The following CTNNA1 variants were observed in gnomAD, a reference collection of about 807,000 sequenced individuals.
CTNNA1 encodes the protein catenin alpha-1.
In CTNNA1, 37 loss-of-function variants were observed where a neutral mutation model predicts 98.4. The observed-to-expected ratio is 0.38, with a 90% confidence interval of 0.29 to 0.49. The LOEUF (loss-of-function observed/expected upper bound fraction) is 0.49. Ranked by LOEUF, CTNNA1 falls within the 20% of genes least tolerant of loss-of-function variation. The pLI is 0.95. For missense variants in CTNNA1, 761 were observed against 1,147.2 expected (o/e 0.66, Z 4.86); for synonymous variants, 404 against 413.2 (o/e 0.98, Z 0.27).
chr5:138,827,274 G>T (rs1760819801), intron 6 of CTNNA1, among the ~76,000 whole-genome samples: 1 of 152,058 alleles, frequency 6.6e-6, no homozygotes, highest in African/African-American at 2.4e-5. Context: ...TGTATTTGTG[G>T]TATCATACCT....
chr5:138,893,501 G>A (rs780447684), intron 9 of CTNNA1, among the ~76,000 whole-genome samples: 4 of 151,260 alleles, frequency 2.6e-5, no homozygotes, highest in Non-Finnish European at 4.4e-5. Context: ...ACATATTATT[G>A]GCTGCCCCCT....
chr5:138,830,666 T>A (rs1282561807), intron 7 of CTNNA1, among the ~76,000 whole-genome samples: 1 of 152,222 alleles, frequency 6.6e-6, no homozygotes, highest in Non-Finnish European at 1.5e-5. Context: ...CTAGTGAGTG[T>A]CAGAATATAA....
At chr5:138,796,180 T>A (rs1281762428) in intron 3 of CTNNA1, among the ~76,000 whole-genome samples, 1 of 152,256 alleles carries the variant, frequency 6.6e-6, no homozygotes, top group African/African-American at 2.4e-5. Flanking sequence ...TATTCACTTT[T>A]CACATTTTCA....
chr5:138,898,103 TAGTG>T (rs1409300433), intron 9 of CTNNA1, among the ~76,000 whole-genome samples: 2 of 152,142 alleles, frequency 1.3e-5, no homozygotes, highest in Non-Finnish European at 2.9e-5. Context: ...GTCTTTGTGA[TAGTG>T]AGTTCTTATG....
At chr5:138,878,433 ATATGACTT>A (rs1336203961) in intron 7 of CTNNA1, among the ~76,000 whole-genome samples, 3 of 152,252 alleles carry the variant, frequency 2.0e-5, no homozygotes, top group African/African-American at 7.2e-5. Context: ...TTCCGCAAAC[ATATGACTT>A]TGACTTAAAG....
At chr5:138,928,481 G>GTTAT (rs1319432950) in intron 13 of CTNNA1, among the ~76,000 whole-genome samples, 2 of 152,120 alleles carry the variant, frequency 1.3e-5, no homozygotes, top group Non-Finnish European at 2.9e-5. Flanking sequence ...AGAAGGCCCA[G>GTTAT]TTATTTAATT....
chr5:138,772,600 C>T (rs1342730819), intron 1 of CTNNA1, among the ~76,000 whole-genome samples: 2 of 152,160 alleles, frequency 1.3e-5, no homozygotes, highest in East Asian at 3.8e-4. Flanking sequence ...ATACTATCTG[C>T]CCTGCATAAA....
In CTNNA1 at chr5:138,913,497, T is replaced by C. The variant is rs549061716; in HGVS notation, c.1390-4245T>C. Among the ~76,000 whole-genome samples the C allele has an allele frequency of 4.6e-5, 7 of 151,672 alleles. No individual in the cohort carries two copies. The South Asian group carries it at 1.5e-3, about 32-fold the overall frequency. On this transcript the variant is annotated intron_variant, in intron 10 of 17. Coordinates refer to ENST00000302763, the MANE Select transcript of CTNNA1 (RefSeq NM_001903.5). ...TACTCAGGAGGCTGAAGTGGGAGAA[T>C]CACTTGAACCCGGGAGGCGGAGGTT...
chr5:138,921,835 G>A (rs1390276154), intron 11 of CTNNA1, among the ~76,000 whole-genome samples: 2 of 151,502 alleles, frequency 1.3e-5, no homozygotes, highest in African/African-American at 4.9e-5. Context: ...TCCTGACCTC[G>A]TGATCTGCCC....
intron 3 of CTNNA1, among the ~76,000 whole-genome samples, chr5:138,808,964 T>A (rs1357376009): frequency 6.6e-6 from 1 of 152,142 alleles, no homozygotes; most frequent in African/African-American, 2.4e-5. Flanking sequence ...CACAAGTTTC[T>A]AGGAAATGTT....
intron 1 of CTNNA1, among the ~76,000 whole-genome samples, chr5:138,763,240 A>C (rs1429433365): frequency 6.6e-6 from 1 of 152,186 alleles, no homozygotes; most frequent in Non-Finnish European, 1.5e-5. Context: ...TGCTGTTATA[A>C]CTCAGAAAAC....
chr5:138,843,698 A>C (rs1251241189), intron 7 of CTNNA1, among the ~76,000 whole-genome samples: 1 of 152,242 alleles, frequency 6.6e-6, no homozygotes, highest in Non-Finnish European at 1.5e-5. Flanking sequence ...TTAGATAGGC[A>C]GCAAAGAGGG....
intron 1 of CTNNA1, among the ~76,000 whole-genome samples, chr5:138,779,721 TTG>T (rs66778517): frequency 0.65 from 91,601 of 140,772 alleles, 29,513 homozygotes; most frequent in East Asian, 0.89. Context: ...TTTTTTGTTT[TTG>T]TTTTTTTTTT....
intron 7 of CTNNA1, among the ~76,000 whole-genome samples, chr5:138,882,696 C>A (rs1030585943): frequency 6.6e-6 from 1 of 152,220 alleles, no homozygotes; most frequent in South Asian, 2.1e-4. Context: ...TTCCTCACTA[C>A]TTCCAGTAAT....
chr5:138,799,857 G>GATTGTATGT (rs1554081132), intron 3 of CTNNA1, among the ~76,000 whole-genome samples: 1 of 149,024 alleles, frequency 6.7e-6, no homozygotes, highest in Non-Finnish European at 1.5e-5. Context: ...AGTAGATGTA[G>GATTGTATGT]ATGTATGTAT....
rs539073038 is a variant in CTNNA1, at chr5:138,894,281, C to CTTT, written c.1296+6655_1296+6657dup. 5.9e-3 allele frequency among the ~76,000 whole-genome samples: 733 copies of CTTT among 123,894 alleles called. 13 individuals carry two copies. Among genetic ancestry groups the CTTT allele is most frequent in the Middle Eastern group, 7.7e-3 (2 of 260 alleles). The allele number at this position is 123,894 out of a possible 152,430, so 81.3% of individuals were successfully genotyped here. On this transcript the variant is annotated intron_variant, in intron 9 of 17. Coordinates refer to ENST00000302763, the MANE Select transcript of CTNNA1 (RefSeq NM_001903.5). The stretch of plus-strand genomic sequence containing the variant: ...ATATAGAGCCTTTACTTTTCTTTCT[C>CTTT]TTTTTTTTTTTTTTTTTTGAGACAA...
At position 138,781,989 on chromosome 5, in the gene CTNNA1, C is replaced by T. The variant is rs1755162650; in HGVS notation, c.65C>T (p.Thr22Ile). 1 of 1,607,860 alleles carries T rather than the reference C, an allele frequency of 6.2e-7. No individual in the cohort carries two copies. The highest frequency in any genetic ancestry group is 8.5e-7 in the Non-Finnish European group (1 of 1,178,750). Residue 22 changes from threonine to isoleucine, a missense_variant, in exon 2 of 18, where the codon ACT becomes ATT. Coordinates refer to ENST00000302763, the MANE Select transcript of CTNNA1 (RefSeq NM_001903.5). ...KWDPKSLEIR[T>I]LAVERLLEPL... is the part of the protein sequence containing the mutation. Reference sequence around the variant, plus strand: ...GATCCTAAAAGTCTAGAGATCAGGACTCTGGCAGTTGAGAGACTGTTGGAG... The same window carrying T: ...GATCCTAAAAGTCTAGAGATCAGGATTCTGGCAGTTGAGAGACTGTTGGAG...
Position 138,934,312 on chromosome 5 carries a change from TAAATA to T in CTNNA1, c.*227_*231del, listed in dbSNP as rs1766079592. On this transcript the variant is annotated 3_prime_UTR_variant, in exon 18 of 18. Transcript: ENST00000302763. ...CTTCTAGCTGTATTTTTTGTATGCT[TAAATA>T]AAAATAAAAATTCATAACCAAAGAG... is the stretch of plus-strand genomic sequence containing the variant. 2 of 511,532 alleles carry T rather than the reference TAAATA, an allele frequency of 3.9e-6. No homozygotes were observed. Among genetic ancestry groups the T allele is most frequent in the African/African-American group, 3.9e-5 (2 of 51,744 alleles). The allele number at this position is 511,532 out of a possible 1,614,324, so 31.7% of individuals were successfully genotyped here.
At chr5:138,793,189 A>G (rs1237388882) in intron 3 of CTNNA1, among the ~76,000 whole-genome samples, 1 of 152,236 alleles carries the variant, frequency 6.6e-6, no homozygotes. Flanking sequence ...GAAAAGCAAA[A>G]TATAAATTCT....
Sources: allele counts gnomAD v4.1 joint callset (sites outside exome capture counted in the v4.1 genomes callset), GRCh38; gene constraint gnomAD v4.1.1; transcripts MANE v1.5; gene names NCBI Gene and HGNC (gene_info 2026-07-23, HGNC 2026-07-21).